Variants in CRTAP observed in about 807,000 individuals in gnomAD.
CRTAP encodes the protein cartilage-associated protein.
CRTAP carries 33 observed loss-of-function variants against 42.7 expected under a neutral mutation model. The observed-to-expected ratio is 0.77, with a 90% CI of 0.59 to 1.03. The LOEUF is 1.03. Among genes scored for constraint, CRTAP ranks in the 50% least tolerant of loss-of-function variants. CRTAP has a pLI of 0.00. For missense variants in CRTAP, 613 were observed against 533.9 expected, an observed-to-expected ratio of 1.15 and a Z score of -1.46; for synonymous variants, 243 against 217.7, an observed-to-expected ratio of 1.12 and a Z score of -1.02.
chr3:33,134,490 G>A (rs186309468), intron 6 of CRTAP, among the ~76,000 whole-genome samples: 40 of 152,182 alleles, frequency 2.6e-4, no homozygotes, highest in Middle Eastern at 3.4e-3. Context: ...ATAGCGAAAC[G>A]GGTGTGGGGC....
In CRTAP at chr3:33,144,664, GC is replaced by G. The variant is rs999527747; in HGVS notation, c.*2221del. Reference sequence around the variant, plus strand: ...AAGGGATCTGGCAGGGCACCACAGCGCCCCCTACTGAACCATCAGCATGTCA... The same window carrying G: ...AAGGGATCTGGCAGGGCACCACAGCGCCCCTACTGAACCATCAGCATGTCA... On this transcript the variant is annotated 3_prime_UTR_variant, in exon 7 of 7. Coordinates refer to ENST00000320954, the MANE Select transcript of CRTAP (RefSeq NM_006371.5). 6.6e-6 allele frequency: 1 copy of G among 152,246 alleles called. No homozygotes were observed. The highest frequency in any genetic ancestry group is 1.5e-5 in the Non-Finnish European group (1 of 68,120). The allele number at this position is 152,246 out of a possible 1,614,324, so 9.4% of individuals were successfully genotyped here.
chr3:33,133,855 C>T (rs1177975262), intron 5 of CRTAP, among the ~76,000 whole-genome samples: 2 of 152,148 alleles, frequency 1.3e-5, no homozygotes, highest in Non-Finnish European at 2.9e-5. Flanking sequence ...ATATTACTTT[C>T]AAAAGATTTT....
In CRTAP at chr3:33,114,158, A is replaced by C. The variant is rs1011859541; in HGVS notation, c.81A>C (p.Gln27His). 3 of 1,585,950 alleles carry C rather than the reference A, an allele frequency of 1.9e-6. No homozygotes were observed. The highest frequency in any genetic ancestry group is 2.6e-6 in the Non-Finnish European group (3 of 1,174,084). The change falls in exon 1 of 7, where the codon CAA (glutamine) becomes CAC (histidine). Residue 27 changes from glutamine (Q) to histidine (H), a missense_variant. Gln to His is a conservative substitution (Grantham distance 24). Transcript: ENST00000320954. Reference protein sequence around the residue: ...VACALRAGRAQYERYSFRSFP... With the variant: ...VACALRAGRAHYERYSFRSFP... ...GCGCGCTGCGCGCCGGGCGCGCCCA[A>C]TACGAACGCTACAGCTTCCGCAGCT...
chr3:33,134,349 C>A, intron 6 of CRTAP, 84 bp downstream of exon 6: 1 of 942,320 alleles, frequency 1.1e-6, no homozygotes, highest in Non-Finnish European at 1.8e-6. Context: ...AAGGCTGAGT[C>A]CTCCCTGAAG....
chr3:33,123,335 T>C (rs6774417), intron 2 of CRTAP, among the ~76,000 whole-genome samples: 97,776 of 151,996 alleles, frequency 0.64, 32,168 homozygotes, highest in Non-Finnish European at 0.72. Flanking sequence ...TGGGAGGTGA[T>C]TGGATCATGG....
chr3:33,147,068 C>G lies in CRTAP; in HGVS notation c.*4620C>G, dbSNP rs1283861977. ...CTGAACTCTTGATCATCTGCCATCCCCCAAACAGTGACTTCTTTTTTTCTG... is the reference window on the plus strand; with the variant it reads ...CTGAACTCTTGATCATCTGCCATCCGCCAAACAGTGACTTCTTTTTTTCTG... On this transcript the variant is annotated 3_prime_UTR_variant, in exon 7 of 7. Coordinates refer to ENST00000320954, the MANE Select transcript of CRTAP (RefSeq NM_006371.5). 2.0e-5 allele frequency: 3 copies of G among 152,638 alleles called. No individual in the cohort carries two copies. The allele number at this position is 152,638 out of a possible 1,614,324, so 9.5% of individuals were successfully genotyped here.
chr3:33,142,083 G>A (rs1377842808), intron 6 of CRTAP, among the ~76,000 whole-genome samples: 2 of 152,188 alleles, frequency 1.3e-5, no homozygotes, highest in African/African-American at 2.4e-5. Context: ...CACATGAGAG[G>A]GGAGGAAGGG....
intron 6 of CRTAP, among the ~76,000 whole-genome samples, chr3:33,135,771 A>C (rs1028047712): frequency 6.6e-6 from 1 of 152,002 alleles, no homozygotes; most frequent in Non-Finnish European, 1.5e-5. Context: ...GTTTTTCTAC[A>C]TATTTATTAT....
In CRTAP at chr3:33,114,378, G is replaced by T; in HGVS notation, c.301G>T (p.Ala101Ser). The change falls in exon 1 of 7, where the codon GCC becomes TCC. Residue 101 changes from alanine to serine, a missense_variant. Physicochemically the swap from Ala to Ser is moderately conservative, Grantham distance 99. Transcript: ENST00000320954. ...GCAGCCCGAGCCCGCCGCCGGCCTCGCCAGCTATCCCGAGCTGCGCCTCTT... is the reference window on the plus strand; with the variant it reads ...GCAGCCCGAGCCCGCCGCCGGCCTCTCCAGCTATCCCGAGCTGCGCCTCTT... ...APQPEPAAGL[A>S]SYPELRLFGG... 5 of 1,527,252 alleles carry T rather than the reference G, an allele frequency of 3.3e-6. No homozygotes were observed. The highest frequency in any genetic ancestry group is 1.2e-5 in the South Asian group (1 of 82,790). The allele number at this position is 1,527,252 out of a possible 1,614,324, so 94.6% of individuals were successfully genotyped here.
chr3:33,127,302 T>C (rs993199213), intron 3 of CRTAP, among the ~76,000 whole-genome samples: 2 of 152,080 alleles, frequency 1.3e-5, no homozygotes, highest in African/African-American at 4.8e-5. Flanking sequence ...TTCAAACTTG[T>C]AGAGAAGTCG....
At chr3:33,142,299 C>T (rs1216426246) in intron 6 of CRTAP, 96 bp from the exon 7 acceptor site, 3 of 1,164,550 alleles carry the variant, frequency 2.6e-6, no homozygotes, top group Non-Finnish European at 3.9e-6. Flanking sequence ...CCAAAGCAGA[C>T]AGTGGTGATG....
chr3:33,114,647 A>G (rs1701323556), intron 1 of CRTAP, 99 bp downstream of exon 1: 2 of 1,161,122 alleles, frequency 1.7e-6, no homozygotes, highest in South Asian at 1.4e-5. Flanking sequence ...TTGCCCCTCC[A>G]GTTCTAGACC....
chr3:33,136,692 C>T (rs978435428), intron 6 of CRTAP, among the ~76,000 whole-genome samples: 4 of 152,212 alleles, frequency 2.6e-5, no homozygotes, highest in Non-Finnish European at 5.9e-5. Flanking sequence ...GGGGAGCTGG[C>T]GTATGTCACA....
intron 6 of CRTAP, among the ~76,000 whole-genome samples, chr3:33,138,712 A>G (rs117268430): frequency 1.3e-5 from 2 of 152,370 alleles, no homozygotes; most frequent in East Asian, 1.9e-4. Context: ...GTTGAATAGA[A>G]GCAGAGAGAG....
In CRTAP at chr3:33,114,541, A is replaced by G; in HGVS notation, c.464A>G (p.Tyr155Cys). 1 of 1,595,288 alleles carries G rather than the reference A, an allele frequency of 6.3e-7. No homozygotes were observed. Among genetic ancestry groups the G allele is most frequent in the East Asian group, 2.3e-5 (1 of 44,274 alleles). ...REPYKFLQFA[Y>C]FKANNLPKAI... is the part of the protein sequence containing the mutation. The stretch of plus-strand genomic sequence containing the variant: ...CCCTACAAGTTCCTGCAGTTCGCTT[A>G]CTTCAAGGCAAGTCCGCCTCGCCCC... Residue 155 changes from tyrosine (Y) to cysteine (C), a missense_variant, in exon 1 of 7, where the codon TAC becomes TGC. Physicochemically the swap from Tyr to Cys is radical, Grantham distance 194. Transcript: ENST00000320954.
At chr3:33,139,848 A>G (rs67961030) in intron 6 of CRTAP, among the ~76,000 whole-genome samples, 29,166 of 152,226 alleles carry the variant, frequency 0.19, 2,998 homozygotes, top group East Asian at 0.28. Flanking sequence ...AGATGGTCAC[A>G]TGATTTTTGT....
chr3:33,118,689 T>C (rs1374207502), intron 1 of CRTAP, among the ~76,000 whole-genome samples: 3 of 152,236 alleles, frequency 2.0e-5, no homozygotes, highest in Non-Finnish European at 4.4e-5. Context: ...ATTGGCTGAG[T>C]CTCTGTGCAC....
chr3:33,136,067 C>G (rs192821407), intron 6 of CRTAP, among the ~76,000 whole-genome samples: 1 of 152,352 alleles, frequency 6.6e-6, no homozygotes, highest in East Asian at 1.9e-4. Flanking sequence ...CTGCCTCCAC[C>G]TCCAGCCCCT....
At chr3:33,121,021 C>T (rs774096253) in intron 2 of CRTAP, among the ~76,000 whole-genome samples, 8 of 152,160 alleles carry the variant, frequency 5.3e-5, no homozygotes, top group Non-Finnish European at 8.8e-5. Context: ...TAAGAAAGAA[C>T]GATCTCGCCC....
Sources: gnomAD v4.1 joint callset for allele counts (sites outside exome capture counted in the v4.1 genomes callset) on GRCh38, gnomAD v4.1.1 for gene constraint, MANE v1.5 for transcripts, NCBI Gene and HGNC (gene_info 2026-07-23, HGNC 2026-07-21) for gene names.